MAGI1: variants seen among roughly 807,000 people sequenced by gnomAD.
The protein encoded by MAGI1 is membrane associated guanylate kinase, WW and PDZ domain containing 1.
MAGI1 carries 58 observed loss-of-function variants against 139.9 expected under a neutral mutation model. That is an observed-to-expected ratio of 0.41 (90% confidence interval 0.34 to 0.52). MAGI1 has a LOEUF of 0.52. Ranked by LOEUF, MAGI1 falls within the 20% of genes least tolerant of loss-of-function variation. MAGI1 has a pLI of 0.12. For synonymous variants in MAGI1, 812 were observed against 737.9 expected (o/e 1.10, Z -1.63); for missense variants, 1,874 against 1,901.6 (o/e 0.99, Z 0.27).
intron 1 of MAGI1, among the ~76,000 whole-genome samples, chr3:65,746,472 A>C (rs2035718794): frequency 6.6e-6 from 1 of 152,252 alleles, no homozygotes; most frequent in Non-Finnish European, 1.5e-5. Context: ...TATATCAAAC[A>C]TAACTCAGAA....
At chr3:65,685,882 G>T (rs1346014257) in intron 1 of MAGI1, among the ~76,000 whole-genome samples, 1 of 152,166 alleles carries the variant, frequency 6.6e-6, no homozygotes, top group Non-Finnish European at 1.5e-5. Flanking sequence ...TTACTAGGAA[G>T]TTAGACACGT....
chr3:65,638,597 ATTTTTTTTTTTTTTT>A (rs1173086138), intron 1 of MAGI1, among the ~76,000 whole-genome samples: 7 of 40,998 alleles, frequency 1.7e-4, no homozygotes, highest in Admixed American at 4.0e-4. Flanking sequence ...TGCTCTCCTG[ATTTTTTTTTTTTTTT>A]TTTTTTTTTT....
chr3:65,355,997 A>G lies in MAGI1; in HGVS notation c.*381T>C. 6.1e-6 allele frequency: 1 copy of G among 164,204 alleles called. No homozygotes were observed. Among genetic ancestry groups the G allele is most frequent in the Non-Finnish European group, 1.3e-5 (1 of 76,228 alleles). The allele number at this position is 164,204 out of a possible 1,614,324, so 10.2% of individuals were successfully genotyped here. ...ATATCAAATTAATTAAACTTAATCAATAAATTCCCTTACGTAGAGAAAATG... is the reference window on the plus strand; with the variant it reads ...ATATCAAATTAATTAAACTTAATCAGTAAATTCCCTTACGTAGAGAAAATG... On this transcript the variant is annotated 3_prime_UTR_variant, in exon 23 of 23. Transcript: ENST00000402939.
In MAGI1 at chr3:66,032,004, A is replaced by G. The variant is rs79554347; in HGVS notation, c.313+5992T>C. ...TCATTAATCCTTGTCAGTCATTTAT[A>G]GCCCAGTATAAATTATTAGACACAG... On this transcript the variant is annotated intron_variant, in intron 1 of 22. Coordinates refer to ENST00000402939, the MANE Select transcript of MAGI1 (RefSeq NM_001033057.2). 5.0e-3 allele frequency among the ~76,000 whole-genome samples: 757 copies of G among 152,344 alleles called. 6 individuals carry two copies. Among genetic ancestry groups the G allele is most frequent in the African/African-American group, 0.017 (712 of 41,582 alleles).
chr3:65,816,085 A>G (rs899126194), intron 1 of MAGI1, among the ~76,000 whole-genome samples: 1 of 152,142 alleles, frequency 6.6e-6, no homozygotes, highest in African/African-American at 2.4e-5. Flanking sequence ...TTTTTCAAAT[A>G]GTGGTGCCTG....
intron 12 of MAGI1, among the ~76,000 whole-genome samples, chr3:65,407,127 G>A (rs1055761669): frequency 6.6e-6 from 1 of 151,994 alleles, no homozygotes; most frequent in African/African-American, 2.4e-5. Context: ...AAAGATGGTC[G>A]ACACAGCACT....
intron 12 of MAGI1, among the ~76,000 whole-genome samples, chr3:65,415,660 G>A (rs1946159422): frequency 6.6e-6 from 1 of 152,216 alleles, no homozygotes; most frequent in Non-Finnish European, 1.5e-5. Flanking sequence ...TAACCCAGAA[G>A]TGGATTTCAT....
At chr3:65,443,789 C>T (rs1231960084) in intron 7 of MAGI1, among the ~76,000 whole-genome samples, 1 of 152,310 alleles carries the variant, frequency 6.6e-6, no homozygotes, top group African/African-American at 2.4e-5. Context: ...TAACACCACA[C>T]TCTAAAGTGA....
intron 1 of MAGI1, among the ~76,000 whole-genome samples, chr3:65,811,949 T>A (rs896116923): frequency 6.5e-4 from 51 of 78,234 alleles, no homozygotes; most frequent in South Asian, 2.1e-3. Context: ...TGTGTGTGTG[T>A]GTGTGTGTGT....
intron 5 of MAGI1, among the ~76,000 whole-genome samples, chr3:65,457,436 T>TA (rs1213148346): frequency 6.6e-6 from 1 of 152,166 alleles, no homozygotes; most frequent in African/African-American, 2.4e-5. Flanking sequence ...AAATTTACTA[T>TA]AAAAATTCAT....
chr3:65,455,208 A>T (rs921478149), intron 5 of MAGI1, among the ~76,000 whole-genome samples: 1 of 152,178 alleles, frequency 6.6e-6, no homozygotes, highest in Non-Finnish European at 1.5e-5. Flanking sequence ...ATCAATAATA[A>T]CATCCTGCAA....
intron 2 of MAGI1, among the ~76,000 whole-genome samples, chr3:65,554,842 G>A (rs2080011787): frequency 6.6e-6 from 1 of 152,146 alleles, no homozygotes; most frequent in African/African-American, 2.4e-5. Context: ...CAAGACTAAG[G>A]AACTGTCTCC....
chr3:65,766,430 AACT>A (rs1559861680), intron 1 of MAGI1, among the ~76,000 whole-genome samples: 1 of 152,026 alleles, frequency 6.6e-6, no homozygotes. Flanking sequence ...AGAAATTCGA[AACT>A]ACGTTGCAAG....
intron 1 of MAGI1, among the ~76,000 whole-genome samples, chr3:65,804,631 T>C (rs1281524107): frequency 5.9e-5 from 9 of 152,144 alleles, no homozygotes; most frequent in Admixed American, 3.9e-4. Flanking sequence ...CAAGTGGCAA[T>C]GTAAACGGAC....
chr3:65,749,119 G>C (rs2035934132), intron 1 of MAGI1, among the ~76,000 whole-genome samples: 1 of 152,152 alleles, frequency 6.6e-6, no homozygotes, highest in African/African-American at 2.4e-5. Flanking sequence ...CAGTGGGAGA[G>C]TTGATGGGCT....
At chr3:65,837,962 G>A (rs2058682523) in intron 1 of MAGI1, among the ~76,000 whole-genome samples, 1 of 152,186 alleles carries the variant, frequency 6.6e-6, no homozygotes, top group African/African-American at 2.4e-5. Flanking sequence ...GAACAGAGAA[G>A]TTGTGCATAC....
chr3:65,707,775 C>T (rs2030624245), intron 1 of MAGI1, among the ~76,000 whole-genome samples: 2 of 151,664 alleles, frequency 1.3e-5, no homozygotes, highest in South Asian at 4.2e-4. Context: ...GATATTTCAC[C>T]AACTATGGAT....
intron 1 of MAGI1, among the ~76,000 whole-genome samples, chr3:65,734,279 G>A (rs1336590840): frequency 6.6e-6 from 1 of 152,008 alleles, no homozygotes; most frequent in Non-Finnish European, 1.5e-5. Flanking sequence ...GAGCAACACA[G>A]GGAGACCCTG....
chr3:65,808,277 G>T (rs934343214), intron 1 of MAGI1, among the ~76,000 whole-genome samples: 4 of 152,070 alleles, frequency 2.6e-5, no homozygotes, highest in Non-Finnish European at 5.9e-5. Flanking sequence ...GAGACATGGC[G>T]CCCAGCTGAG....
Sources: allele counts gnomAD v4.1 joint callset (sites outside exome capture counted in the v4.1 genomes callset), GRCh38; gene constraint gnomAD v4.1.1; transcripts MANE v1.5; gene names NCBI Gene and HGNC (gene_info 2026-07-23, HGNC 2026-07-21).